RAD54L2: variants seen among roughly 807,000 people sequenced by gnomAD.
RAD54L2 encodes the protein helicase ARIP4.
RAD54L2 carries 27 observed loss-of-function variants against 138.4 expected under a neutral mutation model. The observed-to-expected ratio is 0.20, with a 90% CI of 0.14 to 0.27. RAD54L2 has a LOEUF of 0.27. Among genes scored for constraint, RAD54L2 ranks in the 10% least tolerant of loss-of-function variants. The pLI, the probability that RAD54L2 is intolerant of heterozygous loss-of-function variation, is 1.00. For synonymous variants in RAD54L2, 644 were observed against 723.2 expected (o/e 0.89, Z 1.76); for missense variants, 1,396 against 1,890.2 (o/e 0.74, Z 4.85).
chr3:51,657,584 T>C lies in RAD54L2; in HGVS notation c.3231T>C (p.Ile1077=). Residue 1077 remains isoleucine (I), a synonymous_variant, in exon 21 of 23, where the codon ATT becomes ATC. Coordinates refer to ENST00000684192, the MANE Select transcript of RAD54L2 (RefSeq NM_015106.4). ...LVQKVVTTTD[I]VIPGLNSSTD... ...TAAGATCTGTGTTTTTCCTAGATAT[T>C]GTTATTCCTGGACTCAACAGCTCCA... is the stretch of plus-strand genomic sequence containing the variant. 6.4e-7 allele frequency: 1 copy of C among 1,561,280 alleles called. No homozygotes were observed. The highest frequency in any genetic ancestry group is 8.7e-7 in the Non-Finnish European group (1 of 1,145,752).
intron 2 of RAD54L2, among the ~76,000 whole-genome samples, chr3:51,575,517 A>AGCAGTGG (rs1699459631): frequency 6.6e-6 from 1 of 152,062 alleles, no homozygotes; most frequent in South Asian, 2.1e-4. Context: ...GTCCTCTTAT[A>AGCAGTGG]TTTCATTGAG....
At chr3:51,556,742 A>C (rs1054532130) in intron 2 of RAD54L2, among the ~76,000 whole-genome samples, 1 of 151,826 alleles carries the variant, frequency 6.6e-6, no homozygotes, top group African/African-American at 2.4e-5. Flanking sequence ...ATGCCCGGCT[A>C]ATTTTGTATT....
At chr3:51,631,031 G>T (rs1453744120) in intron 7 of RAD54L2, 100 bp downstream of exon 7, 11 of 1,209,004 alleles carry the variant, frequency 9.1e-6, no homozygotes, top group African/African-American at 4.5e-5. Context: ...TGAAGTACTT[G>T]TTTGGTACCA....
intron 2 of RAD54L2, among the ~76,000 whole-genome samples, chr3:51,568,027 A>G (rs1699255522): frequency 6.6e-6 from 1 of 151,906 alleles, no homozygotes; most frequent in Admixed American, 6.6e-5. Context: ...AACTCCTGTC[A>G]GAATTGTTAT....
intron 3 of RAD54L2, among the ~76,000 whole-genome samples, chr3:51,602,622 G>A (rs145015359): frequency 6.6e-6 from 1 of 152,278 alleles, no homozygotes; most frequent in Non-Finnish European, 1.5e-5. Context: ...ACAGACCAGG[G>A]GGCATTAGGA....
chr3:51,621,016 A>G (rs1185400157), intron 3 of RAD54L2, among the ~76,000 whole-genome samples: 3 of 147,628 alleles, frequency 2.0e-5, no homozygotes, highest in African/African-American at 7.6e-5. Flanking sequence ...TTCAGAAGGT[A>G]AAAAAAAAAC....
At chr3:51,636,881 G>A (rs58075772) in intron 10 of RAD54L2, among the ~76,000 whole-genome samples, 3,054 of 152,004 alleles carry the variant, frequency 0.02, 106 homozygotes, top group African/African-American at 0.07. Flanking sequence ...TGCAGTGAGC[G>A]GAGATTGCGC....
At chr3:51,658,885 G>A (rs1263667263) in intron 21 of RAD54L2, among the ~76,000 whole-genome samples, 1 of 151,908 alleles carries the variant, frequency 6.6e-6, no homozygotes, top group Non-Finnish European at 1.5e-5. Flanking sequence ...TGCGAGATAA[G>A]AATGGGTTTA....
At chr3:51,649,853 G>A in intron 19 of RAD54L2, among the ~76,000 whole-genome samples, 1 of 152,194 alleles carries the variant, frequency 6.6e-6, no homozygotes, top group East Asian at 1.9e-4. Context: ...AAAGACCATT[G>A]ATGCTAGGAA....
chr3:51,656,960 C>T (rs888894936), intron 20 of RAD54L2, among the ~76,000 whole-genome samples: 8 of 152,130 alleles, frequency 5.3e-5, no homozygotes, highest in Non-Finnish European at 1.2e-4. Context: ...TGGTTTCGAA[C>T]TCCTGAGCTC....
At chr3:51,661,464 G>A (rs1382841512) in intron 22 of RAD54L2, among the ~76,000 whole-genome samples, 1 of 152,182 alleles carries the variant, frequency 6.6e-6, no homozygotes, top group African/African-American at 2.4e-5. Context: ...CACCATCACT[G>A]ACAGTGCTTT....
intron 10 of RAD54L2, 38 bp downstream of exon 10, chr3:51,635,827 TC>T (rs773564151): frequency 1.6e-5 from 25 of 1,538,172 alleles, no homozygotes; most frequent in Non-Finnish European, 2.2e-5. Flanking sequence ...TGTTGGTGTT[TC>T]AGGAAAAAAG....
intron 3 of RAD54L2, among the ~76,000 whole-genome samples, chr3:51,593,587 C>T (rs1699887733): frequency 6.6e-6 from 1 of 152,116 alleles, no homozygotes; most frequent in South Asian, 2.1e-4. Flanking sequence ...CCGTCTCGGC[C>T]TCCCAAAGTG....
At chr3:51,654,522 A>T (rs964802074) in intron 19 of RAD54L2, among the ~76,000 whole-genome samples, 3 of 152,194 alleles carry the variant, frequency 2.0e-5, no homozygotes, top group Non-Finnish European at 4.4e-5. Flanking sequence ...ACTCAATCTC[A>T]AAAGAGAAAG....
chr3:51,630,762 A>G lies in RAD54L2; in HGVS notation c.656A>G (p.Glu219Gly), dbSNP rs770827403. 6.2e-7 allele frequency: 1 copy of G among 1,614,020 alleles called. No individual in the cohort carries two copies. The highest frequency in any genetic ancestry group is 8.5e-7 in the Non-Finnish European group (1 of 1,179,874). ...EDTLHIVDSS[E>G]SVSEDDEEEE... ...ACTCTGCACATTGTGGACAGCAGTGAATCTGTCAGTGAAGATGATGAGGAA... is the reference window on the plus strand; with the variant it reads ...ACTCTGCACATTGTGGACAGCAGTGGATCTGTCAGTGAAGATGATGAGGAA... The change falls in exon 7 of 23, where the codon GAA becomes GGA. Residue 219 changes from glutamate to glycine, a missense_variant. Coordinates refer to ENST00000684192, the MANE Select transcript of RAD54L2 (RefSeq NM_015106.4).
intron 1 of RAD54L2, chr3:51,541,032 C>T (rs60940210): frequency 1.9e-5 from 2 of 105,790 alleles, no homozygotes; most frequent in Non-Finnish European, 3.5e-5. Context: ...CAAAGCGAGA[C>T]TCTGACTCAA....
Position 51,635,711 on chromosome 3 carries a change from C to T in RAD54L2, c.1261C>T (p.Pro421Ser), listed in dbSNP as rs1460530733. 5 of 1,613,726 alleles carry T rather than the reference C, an allele frequency of 3.1e-6. No homozygotes were observed. The highest frequency in any genetic ancestry group is 1.7e-5 in the Admixed American group (1 of 59,974). Residue 421 changes from proline (P) to serine (S), a missense_variant, in exon 10 of 23, where the codon CCG becomes TCG. Pro to Ser is a moderately conservative substitution (Grantham distance 74, BLOSUM62 -1). Around this residue, in one of 7 missense-constraint regions of RAD54L2, gnomAD observed 169 missense variants for 235.6 expected, o/e 0.72. Coordinates refer to ENST00000684192, the MANE Select transcript of RAD54L2 (RefSeq NM_015106.4). ...GAAGAAATCATTTGCCACAGGTAGA[C>T]CGAAGAAAACCAAGAAGCGTTCTCA... Reference protein sequence around the residue: ...TLKKSFATGRPKKTKKRSHPV... With the variant: ...TLKKSFATGRSKKTKKRSHPV...
intron 2 of RAD54L2, among the ~76,000 whole-genome samples, chr3:51,564,821 A>C (rs1486868552): frequency 6.6e-6 from 1 of 152,216 alleles, no homozygotes; most frequent in Non-Finnish European, 1.5e-5. Context: ...GCTCAAATAT[A>C]ATAGGGGAAA....
At chr3:51,628,400 A>T (rs1048108290) in intron 4 of RAD54L2, among the ~76,000 whole-genome samples, 23 of 151,072 alleles carry the variant, frequency 1.5e-4, no homozygotes, top group East Asian at 5.8e-4. Context: ...TTATTTATTT[A>T]TTTTTTTTGA....
Sources: gnomAD v4.1 joint callset for allele counts (sites outside exome capture counted in the v4.1 genomes callset) on GRCh38, gnomAD v4.1.1 for gene constraint, gnomAD v4.1.1 regional missense constraint, MANE v1.5 for transcripts, NCBI Gene and HGNC (gene_info 2026-07-23, HGNC 2026-07-21) for gene names.